Variants in OTOGL observed in about 807,000 individuals in gnomAD.
OTOGL encodes otogelin like, also known as otogelin-like protein.
OTOGL carries 285 observed loss-of-function variants against 318.5 expected under a neutral mutation model. That is an observed-to-expected ratio of 0.89 (90% CI 0.81 to 0.99). The LOEUF (loss-of-function observed/expected upper bound fraction) is 0.99. OTOGL is among the 50% of genes least tolerant of loss of function. The pLI is 0.00. For missense variants in OTOGL, 2,899 were observed against 2,845.6 expected (o/e 1.02, Z -0.43); for synonymous variants, 987 against 936.5 (o/e 1.05, Z -0.99).
chr12:80,242,831 C>G (rs1385553962), intron 11 of OTOGL, among the ~76,000 whole-genome samples: 5 of 152,040 alleles, frequency 3.3e-5, no homozygotes, highest in Admixed American at 3.3e-4. Context: ...ATGTAGAGGA[C>G]AGAACTATTA....
At chr12:80,283,097 C>T (rs890138417) in intron 26 of OTOGL, among the ~76,000 whole-genome samples, 1 of 151,978 alleles carries the variant, frequency 6.6e-6, no homozygotes, top group Non-Finnish European at 1.5e-5. Flanking sequence ...AAAATCTTAG[C>T]TACAGCTACA....
chr12:80,121,125 C>T (rs1870464427), intron 1 of OTOGL, among the ~76,000 whole-genome samples: 1 of 152,124 alleles, frequency 6.6e-6, no homozygotes, highest in African/African-American at 2.4e-5. Flanking sequence ...GTTACAACTG[C>T]CTTGGAGGTC....
chr12:80,266,336 A>G (rs766281637), intron 20 of OTOGL, 115 bp from the exon 21 acceptor site: 94 of 1,099,988 alleles, frequency 8.5e-5, no homozygotes, highest in Non-Finnish European at 1.1e-4. Flanking sequence ...GGGTCTCCCA[A>G]TTCCTTGCCT....
intron 57 of OTOGL, among the ~76,000 whole-genome samples, chr12:80,373,008 G>A (rs1159779785): frequency 6.6e-6 from 1 of 152,088 alleles, no homozygotes; most frequent in African/African-American, 2.4e-5. Context: ...AAATAGAATA[G>A]AGTGTTTTCC....
chr12:80,278,975 T>A, intron 25 of OTOGL, 53 bp from the exon 26 acceptor site: 1 of 1,563,758 alleles, frequency 6.4e-7, no homozygotes, highest in Non-Finnish European at 8.7e-7. Flanking sequence ...TCACTTGAAA[T>A]CACTAGTTAG....
intron 28 of OTOGL, among the ~76,000 whole-genome samples, chr12:80,304,540 AAT>A (rs1277939886): frequency 1.3e-5 from 2 of 152,216 alleles, no homozygotes; most frequent in Non-Finnish European, 2.9e-5. Flanking sequence ...AAAAGATTTT[AAT>A]ATGTCATAAA....
chr12:80,351,913 A>C (rs1201911409), intron 44 of OTOGL, among the ~76,000 whole-genome samples: 2 of 152,232 alleles, frequency 1.3e-5, no homozygotes, highest in Non-Finnish European at 2.9e-5. Context: ...CTTAATAAGC[A>C]ATGCTGTATA....
chr12:80,135,720 T>C (rs1871524979), intron 1 of OTOGL, among the ~76,000 whole-genome samples: 1 of 152,252 alleles, frequency 6.6e-6, no homozygotes, highest in Non-Finnish European at 1.5e-5. Context: ...AGATAACTGG[T>C]CAAACATTGT....
intron 29 of OTOGL, among the ~76,000 whole-genome samples, chr12:80,309,584 C>G (rs1417646807): frequency 3.3e-5 from 5 of 152,150 alleles, no homozygotes; most frequent in Non-Finnish European, 7.3e-5. Flanking sequence ...CCAAGAGGCT[C>G]TTATAATCCA....
chr12:80,220,637 T>C (rs1399133419), intron 6 of OTOGL, among the ~76,000 whole-genome samples: 4 of 124,976 alleles, frequency 3.2e-5, no homozygotes, highest in African/African-American at 9.2e-5. Flanking sequence ...TTAAATCTTT[T>C]ATCCACAGTG....
Position 80,336,581 on chromosome 12 carries a change from C to A in OTOGL, c.4743+26C>A. On this transcript the variant is annotated intron_variant, in intron 40 of 58. Coordinates refer to ENST00000547103, the MANE Select transcript of OTOGL (RefSeq NM_001378609.3). Reference sequence around the variant, plus strand: ...GTGGGTCATAATTTATTTTTGCAGTCATTTCATCATAAATCTATAGCTAAT... The same window carrying A: ...GTGGGTCATAATTTATTTTTGCAGTAATTTCATCATAAATCTATAGCTAAT... The A allele has an allele frequency of 4.4e-6, 7 of 1,587,010 alleles. No individual in the cohort carries two copies. The South Asian group carries it at 5.6e-5, about 13-fold the overall frequency.
chr12:80,135,668 G>A (rs568881712), intron 1 of OTOGL, among the ~76,000 whole-genome samples: 1 of 152,254 alleles, frequency 6.6e-6, no homozygotes, highest in East Asian at 1.9e-4. Context: ...TATCTGTAAT[G>A]GTTAATTTTA....
intron 1 of OTOGL, among the ~76,000 whole-genome samples, chr12:80,149,313 G>A (rs1227419453): frequency 5.3e-5 from 8 of 151,812 alleles, no homozygotes; most frequent in South Asian, 4.2e-4. Flanking sequence ...GTACCCTGCG[G>A]TGTGAGGTGT....
chr12:80,234,252 G>A (rs1270127010), intron 9 of OTOGL, among the ~76,000 whole-genome samples: 1 of 152,138 alleles, frequency 6.6e-6, no homozygotes, highest in Non-Finnish European at 1.5e-5. Context: ...GAGAGCACAA[G>A]GTGATGTGTC....
At chr12:80,278,382 C>T in intron 25 of OTOGL, 107 bp downstream of exon 25, 1 of 903,390 alleles carries the variant, frequency 1.1e-6, no homozygotes, top group Non-Finnish European at 1.7e-6. Flanking sequence ...GTAAATCAAG[C>T]CTCAGCAAAT....
chr12:80,359,056 A>C (rs1380731114), intron 52 of OTOGL, among the ~76,000 whole-genome samples, 156 bp downstream of exon 52: 1 of 152,190 alleles, frequency 6.6e-6, no homozygotes, highest in East Asian at 1.9e-4. Flanking sequence ...GATATTAGGA[A>C]ATAGTCAATA....
At position 80,266,868 on chromosome 12, in the gene OTOGL, C is replaced by G. The variant is rs34794160; in HGVS notation, c.2390+252C>G. Reference sequence around the variant, plus strand: ...TAACAAGGTTTGTGCTTCACTGTCACATGGCAAACTTTAGTAGCAGGACTT... The same window carrying G: ...TAACAAGGTTTGTGCTTCACTGTCAGATGGCAAACTTTAGTAGCAGGACTT... On this transcript the variant is annotated intron_variant, in intron 21 of 58. Transcript: ENST00000547103. Among the ~76,000 whole-genome samples the G allele has an allele frequency of 0.039, 5,890 of 152,206 alleles. 362 individuals carry two copies. Among genetic ancestry groups the G allele is most frequent in the African/African-American group, 0.13 (5,220 of 41,514 alleles).
intron 11 of OTOGL, among the ~76,000 whole-genome samples, chr12:80,240,141 G>A: frequency 6.6e-6 from 1 of 152,000 alleles, no homozygotes; most frequent in East Asian, 1.9e-4. Context: ...GATGGACACA[G>A]GTTGATTCCA....
intron 29 of OTOGL, among the ~76,000 whole-genome samples, chr12:80,308,052 C>T (rs1390078771): frequency 2.9e-5 from 4 of 136,430 alleles, no homozygotes; most frequent in Non-Finnish European, 6.3e-5. Context: ...GGGGGCTGAT[C>T]CCCCCACCTC....
Sources: gnomAD v4.1 joint callset for allele counts (sites outside exome capture counted in the v4.1 genomes callset) on GRCh38, gnomAD v4.1.1 for gene constraint, MANE v1.5 for transcripts, NCBI Gene and HGNC (gene_info 2026-07-23, HGNC 2026-07-21) for gene names.